ANXA10: variants seen among roughly 807,000 people sequenced by gnomAD.
ANXA10 encodes the protein annexin A10, also known as annexin 14.
ANXA10 carries 49 observed loss-of-function variants against 53.5 expected under a neutral mutation model. That is an observed-to-expected ratio of 0.92 (90% CI 0.73 to 1.16). The LOEUF is 1.16. Ranked by LOEUF, ANXA10 falls within the 50% of genes most tolerant of loss-of-function variation. ANXA10 has a pLI of 0.00. For missense variants in ANXA10, 393 were observed against 394.4 expected (o/e 1.00, Z 0.03); for synonymous variants, 131 against 128.9 (o/e 1.02, Z -0.11).
intron 3 of ANXA10, among the ~76,000 whole-genome samples, chr4:168,156,202 T>TATAATAC (rs1731666954): frequency 4.0e-5 from 1 of 24,950 alleles, no homozygotes; most frequent in East Asian, 1.1e-3. Flanking sequence ...ATATATAATA[T>TATAATAC]ATATTATATT....
chr4:168,130,133 A>C (rs1731134350), intron 2 of ANXA10, among the ~76,000 whole-genome samples: 1 of 152,170 alleles, frequency 6.6e-6, no homozygotes, highest in African/African-American at 2.4e-5. Flanking sequence ...TATGAAGTTA[A>C]GGAAGTTCCC....
intron 3 of ANXA10, among the ~76,000 whole-genome samples, chr4:168,146,109 A>G (rs1427213964): frequency 6.6e-6 from 1 of 152,086 alleles, no homozygotes. Context: ...GGGTTTCACC[A>G]TGTTGGCCAG....
chr4:168,187,625 A>C lies in ANXA10; in HGVS notation c.*191A>C, dbSNP rs913906975. The C allele has an allele frequency of 2.6e-6, 1 of 390,852 alleles. No homozygotes were observed. The highest frequency in any genetic ancestry group is 4.7e-6 in the Non-Finnish European group (1 of 214,780). 24.2% of individuals were successfully genotyped at this position (390,852 alleles called of 1,614,324 possible). On this transcript the variant is annotated 3_prime_UTR_variant, in exon 12 of 12. Coordinates refer to ENST00000359299, the MANE Select transcript of ANXA10 (RefSeq NM_007193.5). ...GTATATGATACTGAATTTGCCTACT[A>C]TCCTGAATTTGCCTACTATCTAATC...
At chr4:168,167,648 A>C (rs1731904753) in intron 6 of ANXA10, among the ~76,000 whole-genome samples, 1 of 152,208 alleles carries the variant, frequency 6.6e-6, no homozygotes, top group Non-Finnish European at 1.5e-5. Context: ...AATGTCTTTG[A>C]AAATGAGGAT....
chr4:168,153,170 G>A (rs1489685399), intron 3 of ANXA10, among the ~76,000 whole-genome samples: 1 of 152,066 alleles, frequency 6.6e-6, no homozygotes, highest in Non-Finnish European at 1.5e-5. Context: ...AGTGATGATG[G>A]TGGCCTGGGT....
intron 1 of ANXA10, among the ~76,000 whole-genome samples, chr4:168,109,442 A>G (rs1478889674): frequency 6.6e-6 from 1 of 152,228 alleles, no homozygotes; most frequent in Non-Finnish European, 1.5e-5. Context: ...TCGATATCAA[A>G]TACTCCAAAT....
intron 10 of ANXA10, among the ~76,000 whole-genome samples, chr4:168,182,375 G>A (rs1272985446): frequency 1.9e-5 from 2 of 106,562 alleles, no homozygotes; most frequent in African/African-American, 7.9e-5. Flanking sequence ...CTGCTGCCCA[G>A]GCTGGAGTGC....
At chr4:168,109,067 G>A (rs1730760624) in intron 1 of ANXA10, among the ~76,000 whole-genome samples, 1 of 152,132 alleles carries the variant, frequency 6.6e-6, no homozygotes, top group African/African-American at 2.4e-5. Context: ...TTTCCCATCA[G>A]GTTACAGCCT....
intron 3 of ANXA10, among the ~76,000 whole-genome samples, chr4:168,141,746 C>G (rs1731328988): frequency 6.6e-6 from 1 of 152,180 alleles, no homozygotes; most frequent in Non-Finnish European, 1.5e-5. Flanking sequence ...AATGGGCCAA[C>G]AGAGAGTCCT....
intron 1 of ANXA10, among the ~76,000 whole-genome samples, chr4:168,105,772 A>G (rs1730710588): frequency 6.6e-6 from 1 of 152,218 alleles, no homozygotes; most frequent in East Asian, 1.9e-4. Flanking sequence ...TAAGCTCAAC[A>G]GCATTTGTTA....
chr4:168,113,175 A>G (rs111661711), intron 1 of ANXA10: 1,556 of 152,414 alleles, frequency 0.01, 10 homozygotes, highest in South Asian at 0.02. Flanking sequence ...GTGCTGCTAT[A>G]ACACAATATT....
chr4:168,127,475 T>C (rs575578185), intron 1 of ANXA10, among the ~76,000 whole-genome samples: 2 of 152,284 alleles, frequency 1.3e-5, no homozygotes, highest in African/African-American at 2.4e-5. Context: ...TTCTAATTCA[T>C]ATGAATGAAA....
At chr4:168,155,061 G>A (rs1731580514) in intron 3 of ANXA10, among the ~76,000 whole-genome samples, 1 of 151,622 alleles carries the variant, frequency 6.6e-6, no homozygotes. Flanking sequence ...AAGGCTAGCT[G>A]TATACTTCAC....
intron 3 of ANXA10, among the ~76,000 whole-genome samples, chr4:168,152,369 T>C (rs922184992): frequency 6.6e-6 from 1 of 152,140 alleles, no homozygotes; most frequent in Non-Finnish European, 1.5e-5. Context: ...AAGCCCGCTG[T>C]AGCCAGAGCA....
chr4:168,155,220 T>C, intron 3 of ANXA10, among the ~76,000 whole-genome samples: 1 of 148,978 alleles, frequency 6.7e-6, no homozygotes, highest in South Asian at 2.1e-4. Flanking sequence ...CTTCATTTTA[T>C]GAATAATATC....
intron 6 of ANXA10, among the ~76,000 whole-genome samples, chr4:168,174,845 A>C (rs1732090936): frequency 6.6e-6 from 1 of 152,152 alleles, no homozygotes; most frequent in Admixed American, 6.6e-5. Flanking sequence ...GAGGCATTGA[A>C]TTTTCAACAT....
Position 168,115,071 on chromosome 4 carries a change from G to T in ANXA10, c.19-13013G>T, listed in dbSNP as rs576304414. Among the ~76,000 whole-genome samples the T allele has an allele frequency of 2.0e-5, 3 of 152,150 alleles. No individual in the cohort carries two copies. The South Asian group carries it at 6.2e-4, about 32-fold the overall frequency. On this transcript the variant is annotated intron_variant, in intron 1 of 11. Transcript: ENST00000359299. Reference sequence around the variant, plus strand: ...CCAGCTAATTTTGTATGGAGATACGGTTTTGCCATGTTGCCTGCTCAGGCT... The same window carrying T: ...CCAGCTAATTTTGTATGGAGATACGTTTTTGCCATGTTGCCTGCTCAGGCT...
At chr4:168,126,735 G>T (rs1296768164) in intron 1 of ANXA10, among the ~76,000 whole-genome samples, 2 of 152,076 alleles carry the variant, frequency 1.3e-5, no homozygotes, top group South Asian at 2.1e-4. Context: ...ATGATTGAAA[G>T]AATCTGCATA....
At chr4:168,166,240 C>A (rs1215401026) in intron 6 of ANXA10, among the ~76,000 whole-genome samples, 2 of 152,124 alleles carry the variant, frequency 1.3e-5, no homozygotes, top group African/African-American at 4.8e-5. Flanking sequence ...ACTCTAAATG[C>A]CAGCATATGA....
Sources: allele counts gnomAD v4.1 joint callset (sites outside exome capture counted in the v4.1 genomes callset), GRCh38; gene constraint gnomAD v4.1.1; transcripts MANE v1.5; gene names NCBI Gene and HGNC (gene_info 2026-07-23, HGNC 2026-07-21).